TRAM2: variants seen among roughly 807,000 people sequenced by gnomAD.
TRAM2 encodes the protein translocation associated membrane protein 2, also known as translocating chain-associated membrane protein 2.
Under a neutral mutation model 51.0 loss-of-function variants are expected in TRAM2, and 12 were observed. The ratio of observed to expected loss-of-function variants is 0.24; its 90% CI spans 0.15 to 0.38. TRAM2 has a LOEUF of 0.38. TRAM2 is among the 10% of genes least tolerant of loss of function. The pLI is 1.00. For missense variants in TRAM2, 361 were observed against 462.0 expected (o/e 0.78, Z 2.00); for synonymous variants, 175 against 179.4 (o/e 0.98, Z 0.20).
At chr6:52,538,131 A>T (rs138641318) in intron 1 of TRAM2, among the ~76,000 whole-genome samples, 1 of 152,364 alleles carries the variant, frequency 6.6e-6, no homozygotes, top group South Asian at 2.1e-4. Flanking sequence ...CTGTGAAGGA[A>T]GATCAGAGGA....
intron 1 of TRAM2, among the ~76,000 whole-genome samples, chr6:52,558,709 T>C (rs960396470): frequency 2.0e-5 from 3 of 152,118 alleles, no homozygotes; most frequent in Admixed American, 6.5e-5. Flanking sequence ...GTTAATTAGG[T>C]GACCTCCCAT....
At chr6:52,504,813 G>T in intron 9 of TRAM2, 59 bp from the exon 10 acceptor site, 4 of 1,515,696 alleles carry the variant, frequency 2.6e-6, no homozygotes, top group Non-Finnish European at 3.6e-6. Flanking sequence ...CTTGGGCTGG[G>T]TTGTGCAGGG....
At chr6:52,524,499 C>G (rs554467623) in intron 2 of TRAM2, 1 of 152,160 alleles carries the variant, frequency 6.6e-6, no homozygotes, top group South Asian at 2.1e-4. Context: ...GAACAAGACT[C>G]TCTCCCTCTG....
rs762699269 is a variant in TRAM2 at position 52,576,766 on chromosome 6, C to A, written c.120+30G>T. The A allele has an allele frequency of 1.9e-6, 3 of 1,607,760 alleles. No homozygotes were observed. The Admixed American group carries it at 5.1e-5, about 27-fold the overall frequency. On this transcript the variant is annotated intron_variant, in intron 1 of 10. Coordinates refer to ENST00000182527, the MANE Select transcript of TRAM2 (RefSeq NM_012288.4). ...GCGGTGCACGACAGGGGGCACTGTC[C>A]CTCCAGCTCCCTCCTCCCCAGGCTC...
At chr6:52,576,453 C>T (rs1021384828) in intron 1 of TRAM2, among the ~76,000 whole-genome samples, 3 of 152,196 alleles carry the variant, frequency 2.0e-5, no homozygotes, top group Admixed American at 1.3e-4. Context: ...GGCTCCTGGA[C>T]GCCAGAAAGG....
intron 1 of TRAM2, among the ~76,000 whole-genome samples, chr6:52,569,028 T>C (rs1369850255): frequency 1.3e-5 from 2 of 152,172 alleles, no homozygotes; most frequent in Non-Finnish European, 2.9e-5. Flanking sequence ...AGAAACCATA[T>C]GGAAGAGTTC....
intron 1 of TRAM2, among the ~76,000 whole-genome samples, chr6:52,568,021 A>G (rs535212687): frequency 1.3e-5 from 2 of 152,198 alleles, no homozygotes; most frequent in Non-Finnish European, 2.9e-5. Flanking sequence ...CTACATGTCC[A>G]TGTTAAGAAG....
rs887108175 is a variant in TRAM2, at chr6:52,500,778, C to T, written c.*2419G>A. On this transcript the variant is annotated 3_prime_UTR_variant, in exon 11 of 11. Coordinates refer to ENST00000182527, the MANE Select transcript of TRAM2 (RefSeq NM_012288.4). ...TTGCTTGATGGCAAGATTTCAGCTGCTCTGCTCACACTACCTCTCCAGCAA... is the reference window on the plus strand; with the variant it reads ...TTGCTTGATGGCAAGATTTCAGCTGTTCTGCTCACACTACCTCTCCAGCAA... 7 of 152,352 alleles carry T rather than the reference C, an allele frequency of 4.6e-5. No homozygotes were observed. Among genetic ancestry groups the T allele is most frequent in the Non-Finnish European group, 8.8e-5 (6 of 68,144 alleles). 9.4% of individuals were successfully genotyped at this position (152,352 alleles called of 1,614,324 possible).
At chr6:52,570,350 GA>G (rs2114110453) in intron 1 of TRAM2, among the ~76,000 whole-genome samples, 1 of 152,258 alleles carries the variant, frequency 6.6e-6, no homozygotes, top group South Asian at 2.1e-4. Flanking sequence ...CCTCCAAGTG[GA>G]ACAAAGACCT....
chr6:52,516,939 A>G, intron 2 of TRAM2: 1 of 576,930 alleles, frequency 1.7e-6, no homozygotes, highest in Admixed American at 3.0e-5. Context: ...GAGATGGCTA[A>G]GGAGAACCAA....
At position 52,576,997 on chromosome 6, in the gene TRAM2, T is replaced by TCCGCCCGCCGGC; in HGVS notation, c.-94_-83dup. The TCCGCCCGCCGGC allele has an allele frequency of 2.3e-6, 3 of 1,326,086 alleles. No individual in the cohort carries two copies. Among genetic ancestry groups the TCCGCCCGCCGGC allele is most frequent in the Non-Finnish European group, 2.9e-6 (3 of 1,043,636 alleles). 82.1% of individuals were successfully genotyped at this position (1,326,086 alleles called of 1,614,324 possible). On this transcript the variant is annotated 5_prime_UTR_variant, in exon 1 of 11. Coordinates refer to ENST00000182527, the MANE Select transcript of TRAM2 (RefSeq NM_012288.4). The stretch of plus-strand genomic sequence containing the variant: ...GCAAACTTCTCCAGCACCGGCCCGG[T>TCCGCCCGCCGGC]CCGCCCGCCGGCCCGCCGCCCGCTC...
In TRAM2 at chr6:52,505,657, G is replaced by C; in HGVS notation, c.817C>G (p.Arg273Gly). 1 of 1,613,634 alleles carries C rather than the reference G, an allele frequency of 6.2e-7. No individual in the cohort carries two copies. The highest frequency in any genetic ancestry group is 8.5e-7 in the Non-Finnish European group (1 of 1,179,660). Residue 273 changes from arginine to glycine, a missense_variant, in exon 9 of 11, where the codon CGC becomes GGC. By Grantham distance (125) the Arg-to-Gly change is moderately radical. Coordinates refer to ENST00000182527, the MANE Select transcript of TRAM2 (RefSeq NM_012288.4). ...GGATCAAATGCCTGGTTTTCCATGC[G>C]AGCCAGTCCAAAGCCAATGGCCAGC... ...AVLAIGFGLA[R>G]MENQAFDPEK...
At chr6:52,536,222 A>G (rs887412965) in intron 1 of TRAM2, among the ~76,000 whole-genome samples, 1 of 152,178 alleles carries the variant, frequency 6.6e-6, no homozygotes, top group African/African-American at 2.4e-5. Context: ...TAAAGTCACA[A>G]CCTTCAAGAA....
intron 7 of TRAM2, among the ~76,000 whole-genome samples, chr6:52,506,924 T>C (rs1283774905): frequency 6.6e-6 from 1 of 152,222 alleles, no homozygotes; most frequent in Non-Finnish European, 1.5e-5. Flanking sequence ...GTGAGCTCTG[T>C]AAGTGCCAGC....
rs2114062552 is a variant in TRAM2 at position 52,508,324 on chromosome 6, G to C, written c.471-6C>G. ...AGAAAAACTTCACCTGGAAGCTGGA[G>C]ACAAGGGGGCAAGTCACACGGGCAG... On this transcript the variant is annotated splice_region_variant and splice_polypyrimidine_tract_variant and intron_variant, in intron 5 of 10. Coordinates refer to ENST00000182527, the MANE Select transcript of TRAM2 (RefSeq NM_012288.4). 2 of 1,613,428 alleles carry C rather than the reference G, an allele frequency of 1.2e-6. No homozygotes were observed. The highest frequency in any genetic ancestry group is 2.2e-5 in the East Asian group (1 of 44,888).
intron 1 of TRAM2, among the ~76,000 whole-genome samples, chr6:52,552,121 C>T (rs183626326): frequency 6.2e-4 from 95 of 152,374 alleles, no homozygotes; most frequent in Non-Finnish European, 1.1e-3. Context: ...CTGCCCCAGA[C>T]TGAGCCCTGG....
intron 1 of TRAM2, among the ~76,000 whole-genome samples, chr6:52,543,368 G>T (rs1286184529): frequency 6.6e-6 from 1 of 152,180 alleles, no homozygotes; most frequent in African/African-American, 2.4e-5. Flanking sequence ...TAATTTTCCA[G>T]AATAGTGACA....
At chr6:52,507,082 T>C (rs545296939) in intron 7 of TRAM2, among the ~76,000 whole-genome samples, 2 of 152,336 alleles carry the variant, frequency 1.3e-5, no homozygotes, top group South Asian at 4.1e-4. Flanking sequence ...TTTCTGCCTC[T>C]AGAACAACCA....
chr6:52,500,311 A>T lies in TRAM2; in HGVS notation c.*2886T>A, dbSNP rs1766184159. Reference sequence around the variant, plus strand: ...TAGAACAAGCTAGCCCAACACGCTCATAGGATGAAGTGGAATTATTTCAGC... The same window carrying T: ...TAGAACAAGCTAGCCCAACACGCTCTTAGGATGAAGTGGAATTATTTCAGC... On this transcript the variant is annotated 3_prime_UTR_variant, in exon 11 of 11. Transcript: ENST00000182527. The T allele has an allele frequency of 6.6e-6, 1 of 152,314 alleles. No homozygotes were observed. The highest frequency in any genetic ancestry group is 3.4e-3 in the Middle Eastern group (1 of 294). 9.4% of individuals were successfully genotyped at this position (152,314 alleles called of 1,614,324 possible).
Sources: gnomAD v4.1 joint callset for allele counts (sites outside exome capture counted in the v4.1 genomes callset) on GRCh38, gnomAD v4.1.1 for gene constraint, MANE v1.5 for transcripts, NCBI Gene and HGNC (gene_info 2026-07-23, HGNC 2026-07-21) for gene names.